The following ARHGAP26 variants were observed in gnomAD, a reference collection of about 807,000 sequenced individuals.
The protein encoded by ARHGAP26 is Rho GTPase activating protein 26.
Under a neutral mutation model 104.8 loss-of-function variants are expected in ARHGAP26, and 38 were observed. The observed-to-expected ratio is 0.36, with a 90% CI of 0.28 to 0.48. The LOEUF (loss-of-function observed/expected upper bound fraction) is 0.48, where lower values mean the gene tolerates loss of function less well. ARHGAP26 is among the 20% of genes least tolerant of loss of function. The pLI, the probability that ARHGAP26 is intolerant of heterozygous loss-of-function variation, is 0.99. For missense variants in ARHGAP26, 704 were observed against 947.9 expected, an observed-to-expected ratio of 0.74 and a Z score of 3.38; for synonymous variants, 341 against 340.0, an observed-to-expected ratio of 1.00 and a Z score of -0.03.
intron 1 of ARHGAP26, among the ~76,000 whole-genome samples, chr5:142,849,676 G>C (rs959314291): frequency 2.0e-5 from 3 of 152,064 alleles, no homozygotes; most frequent in Admixed American, 2.0e-4. Context: ...ACATGAACAT[G>C]ACTCCTAGAC....
At chr5:143,054,799 A>T (rs1011088021) in intron 15 of ARHGAP26, among the ~76,000 whole-genome samples, 3 of 152,244 alleles carry the variant, frequency 2.0e-5, no homozygotes, top group Admixed American at 2.0e-4. Context: ...CAGAACCTAA[A>T]ATGGGGTCTT....
At chr5:142,994,334 C>T (rs1776070365) in intron 11 of ARHGAP26, among the ~76,000 whole-genome samples, 1 of 152,058 alleles carries the variant, frequency 6.6e-6, no homozygotes, top group African/African-American at 2.4e-5. Context: ...CTAGTAGTTG[C>T]ATGTAGATGG....
chr5:143,207,895 T>C (rs1455094690), intron 21 of ARHGAP26, among the ~76,000 whole-genome samples: 1 of 152,234 alleles, frequency 6.6e-6, no homozygotes, highest in Non-Finnish European at 1.5e-5. Context: ...TTAGACCAGA[T>C]CCACTGGGGG....
chr5:142,839,400 G>A (rs1770277835), intron 1 of ARHGAP26, among the ~76,000 whole-genome samples: 1 of 151,976 alleles, frequency 6.6e-6, no homozygotes, highest in Non-Finnish European at 1.5e-5. Flanking sequence ...GATATAGGAA[G>A]CTAATGTACA....
At chr5:142,935,785 G>C (rs902614065) in intron 11 of ARHGAP26, among the ~76,000 whole-genome samples, 1 of 152,120 alleles carries the variant, frequency 6.6e-6, no homozygotes, top group Non-Finnish European at 1.5e-5. Flanking sequence ...AAGAAAAGCA[G>C]CACAGTTTCT....
At chr5:142,995,734 T>C (rs1344692587) in intron 11 of ARHGAP26, among the ~76,000 whole-genome samples, 4 of 152,188 alleles carry the variant, frequency 2.6e-5, no homozygotes, top group Non-Finnish European at 5.9e-5. Context: ...GAGGCACTAT[T>C]CACAATAACA....
At chr5:143,148,440 A>T (rs1799416198) in intron 20 of ARHGAP26, among the ~76,000 whole-genome samples, 1 of 152,168 alleles carries the variant, frequency 6.6e-6, no homozygotes, top group South Asian at 2.1e-4. Context: ...AGGAGAGATG[A>T]CTCCAAATGG....
chr5:143,147,445 G>T, intron 20 of ARHGAP26, 64 bp downstream of exon 20: 3 of 1,555,402 alleles, frequency 1.9e-6, no homozygotes, highest in African/African-American at 2.7e-5. Context: ...CCTAGAATTT[G>T]CTGTCTGGCT....
chr5:143,031,502 G>A (rs902206139), intron 12 of ARHGAP26, among the ~76,000 whole-genome samples: 1 of 152,062 alleles, frequency 6.6e-6, no homozygotes, highest in Non-Finnish European at 1.5e-5. Context: ...AATTTGGAAT[G>A]GGAGGTAAGA....
intron 5 of ARHGAP26, 35 bp downstream of exon 5, chr5:142,885,434 T>TG: frequency 1.3e-6 from 2 of 1,559,138 alleles, no homozygotes; most frequent in Non-Finnish European, 8.8e-7. Flanking sequence ...AATAAAGTGT[T>TG]CAATTTGTAC....
At chr5:143,124,513 C>T (rs1315177851) in intron 18 of ARHGAP26, among the ~76,000 whole-genome samples, 1 of 152,158 alleles carries the variant, frequency 6.6e-6, no homozygotes, top group Non-Finnish European at 1.5e-5. Context: ...AAGGTGGCCT[C>T]ACTCCACACA....
At chr5:142,984,966 G>A (rs1774456052) in intron 11 of ARHGAP26, among the ~76,000 whole-genome samples, 1 of 151,872 alleles carries the variant, frequency 6.6e-6, no homozygotes, top group South Asian at 2.1e-4. Context: ...ACCTTCAGGC[G>A]GTATTCCAGA....
chr5:143,016,452 C>A (rs1217502221), intron 12 of ARHGAP26, among the ~76,000 whole-genome samples: 1 of 152,028 alleles, frequency 6.6e-6, no homozygotes, highest in Non-Finnish European at 1.5e-5. Context: ...CGCCTGTAAT[C>A]CCAGCACTTT....
intron 1 of ARHGAP26, among the ~76,000 whole-genome samples, chr5:142,833,990 T>C (rs1769046275): frequency 6.6e-6 from 1 of 152,228 alleles, no homozygotes; most frequent in Non-Finnish European, 1.5e-5. Context: ...TACTCATATT[T>C]AATAAGCCAT....
rs998466760 is a variant in ARHGAP26 at position 142,871,516 on chromosome 5, A to G, written c.155-1884A>G. 4.6e-5 allele frequency among the ~76,000 whole-genome samples: 7 copies of G among 152,232 alleles called. No homozygotes were observed. Among genetic ancestry groups the G allele is most frequent in the Admixed American group, 4.6e-4 (7 of 15,290 alleles). On this transcript the variant is annotated intron_variant, in intron 1 of 22. Transcript: ENST00000645722. The surrounding 1 kb of genome is among the most constrained non-coding windows in gnomAD (Gnocchi z 4.1). ...CTTAGTGCAGACTTTGTGCGTTCTC[A>G]TCAGGGAACATTCTGACTAAAATGG...
intron 20 of ARHGAP26, among the ~76,000 whole-genome samples, chr5:143,180,450 T>C (rs1231068051): frequency 2.6e-4 from 40 of 152,218 alleles, no homozygotes; most frequent in Admixed American, 2.6e-3. Context: ...ATCTTGTCCC[T>C]TTCTGTAGTT....
At chr5:143,016,150 GC>G (rs1779552630) in intron 12 of ARHGAP26, among the ~76,000 whole-genome samples, 1 of 152,196 alleles carries the variant, frequency 6.6e-6, no homozygotes, top group Admixed American at 6.5e-5. Context: ...CAGAAATTGT[GC>G]TGATAGTTTG....
chr5:142,826,794 C>T (rs1767384013), intron 1 of ARHGAP26, among the ~76,000 whole-genome samples: 1 of 152,188 alleles, frequency 6.6e-6, no homozygotes, highest in Non-Finnish European at 1.5e-5. Context: ...CTCCCACCTG[C>T]TACTATTTCA....
rs1011729856 is a variant in ARHGAP26, at chr5:143,227,161, G to A, written c.*4715G>A. 4.8e-5 allele frequency: 11 copies of A among 230,346 alleles called. No individual in the cohort carries two copies. The highest frequency in any genetic ancestry group is 6.9e-5 in the Non-Finnish European group (8 of 116,384). 14.3% of individuals were successfully genotyped at this position (230,346 alleles called of 1,614,324 possible). A position where few individuals can be genotyped will look rare whatever the true frequency, so the allele number is the denominator to read the frequency against. On this transcript the variant is annotated 3_prime_UTR_variant, in exon 23 of 23. Coordinates refer to ENST00000645722, the MANE Select transcript of ARHGAP26 (RefSeq NM_001135608.3). Reference sequence around the variant, plus strand: ...GAGTTTTGTGGACATGGCACTCCCGGAGACAGCAGTGGCCACCATGGCACC... The same window carrying A: ...GAGTTTTGTGGACATGGCACTCCCGAAGACAGCAGTGGCCACCATGGCACC...
Sources: allele counts gnomAD v4.1 joint callset (sites outside exome capture counted in the v4.1 genomes callset), GRCh38; gene constraint gnomAD v4.1.1; non-coding constraint Gnocchi (gnomAD v3.1); transcripts MANE v1.5; gene names NCBI Gene and HGNC (gene_info 2026-07-23, HGNC 2026-07-21).